VSTM2B: variants seen among roughly 807,000 people sequenced by gnomAD.
VSTM2B encodes V-set and transmembrane domain-containing protein 2B.
In VSTM2B, 24 loss-of-function variants were observed where a neutral mutation model predicts 24.0. The observed-to-expected ratio is 1.00, with a 90% CI of 0.72 to 1.40. The LOEUF is 1.40. Ranked by LOEUF, VSTM2B falls within the 40% of genes most tolerant of loss-of-function variation. VSTM2B has a pLI of 0.00. For missense variants in VSTM2B, 399 were observed against 416.4 expected (o/e 0.96, Z 0.36); for synonymous variants, 226 against 194.4 (o/e 1.16, Z -1.35).
At chr19:29,538,506 C>A (rs1218419938) in intron 4 of VSTM2B, among the ~76,000 whole-genome samples, 1 of 152,208 alleles carries the variant, frequency 6.6e-6, no homozygotes, top group Non-Finnish European at 1.5e-5. Flanking sequence ...CTCCCTCCTG[C>A]AAATGCTGTG....
Position 29,526,705 on chromosome 19 carries a change from G to T in VSTM2B, c.82+40G>T. 6.7e-7 allele frequency: 1 copy of T among 1,485,734 alleles called. No homozygotes were observed. Among genetic ancestry groups the T allele is most frequent in the Non-Finnish European group, 9.0e-7 (1 of 1,110,184 alleles). 92.0% of individuals were successfully genotyped at this position (1,485,734 alleles called of 1,614,324 possible). ...TTTGCTGCCGCTGTGGACTCGGGGG[G>T]GTCTTTGCTGGGGCCGCCACCGAGA... On this transcript the variant is annotated intron_variant, in intron 1 of 4. Coordinates refer to ENST00000335523, the MANE Select transcript of VSTM2B (RefSeq NM_001146339.2). This position sits in a 1 kb window ranked among gnomAD's most constrained non-coding sequence, Gnocchi z 4.1.
At chr19:29,552,087 C>G (rs1437869461) in intron 4 of VSTM2B, among the ~76,000 whole-genome samples, 1 of 152,190 alleles carries the variant, frequency 6.6e-6, no homozygotes, top group Non-Finnish European at 1.5e-5. Flanking sequence ...TTCTGTGGAT[C>G]TTGTGTCACA....
rs74891394 is a variant in VSTM2B at position 29,551,828 on chromosome 19, T to A, written c.770-12018T>A. On this transcript the variant is annotated intron_variant, in intron 4 of 4. Transcript: ENST00000335523. ...AAACCATTAGCATCCAGTCAATGCA[T>A]CAGCCTGCATGCCAGCCAGCCCGCT... Among the ~76,000 whole-genome samples, 35 of 152,240 alleles carry A rather than the reference T, an allele frequency of 2.3e-4. No individual in the cohort carries two copies. The East Asian group carries it at 6.6e-3, about 29-fold the overall frequency.
chr19:29,528,518 C>A lies in VSTM2B; in HGVS notation c.297+56C>A. The A allele has an allele frequency of 1.9e-6, 3 of 1,546,622 alleles. 1 individual carries two copies. The highest frequency in any genetic ancestry group is 2.6e-6 in the Non-Finnish European group (3 of 1,143,700). On this transcript the variant is annotated intron_variant, in intron 3 of 4. Transcript: ENST00000335523. Reference sequence around the variant, plus strand: ...AGACCCCTTCTGGCCGCCTCGGGTCCCGCAGCTCCCTCCCTTAGCAAGCCG... The same window carrying A: ...AGACCCCTTCTGGCCGCCTCGGGTCACGCAGCTCCCTCCCTTAGCAAGCCG...
At chr19:29,528,780 G>A (rs1460528867) in intron 3 of VSTM2B, among the ~76,000 whole-genome samples, 1 of 152,272 alleles carries the variant, frequency 6.6e-6, no homozygotes, top group Admixed American at 6.5e-5. Context: ...CGCTCTGCGG[G>A]CATTCCTCCT....
At chr19:29,556,898 G>T (rs1487060426) in intron 4 of VSTM2B, among the ~76,000 whole-genome samples, 1 of 152,220 alleles carries the variant, frequency 6.6e-6, no homozygotes, top group African/African-American at 2.4e-5. Context: ...CAAACAAATG[G>T]AAAAACATTC....
At chr19:29,559,160 C>T (rs976344924) in intron 4 of VSTM2B, among the ~76,000 whole-genome samples, 1 of 152,174 alleles carries the variant, frequency 6.6e-6, no homozygotes, top group Admixed American at 6.5e-5. Flanking sequence ...GACACATGCA[C>T]ACATATGTTT....
intron 4 of VSTM2B, 82 bp downstream of exon 4, chr19:29,530,372 A>AC: frequency 7.9e-7 from 1 of 1,270,146 alleles, no homozygotes; most frequent in Non-Finnish European, 1.0e-6. Context: ...GGGGCTCCGG[A>AC]CCCAGGACCC....
chr19:29,557,597 G>C (rs1300560136), intron 4 of VSTM2B, among the ~76,000 whole-genome samples: 1 of 151,998 alleles, frequency 6.6e-6, no homozygotes, highest in South Asian at 2.1e-4. Flanking sequence ...TACTCAGGGC[G>C]CTGAGGCAGG....
At chr19:29,550,683 G>T (rs1316024891) in intron 4 of VSTM2B, among the ~76,000 whole-genome samples, 2 of 152,202 alleles carry the variant, frequency 1.3e-5, no homozygotes, top group Non-Finnish European at 2.9e-5. Context: ...GACAAAGCAA[G>T]TGAAAGACAG....
In VSTM2B at chr19:29,529,826, G is replaced by A. The variant is rs773143728; in HGVS notation, c.305G>A (p.Arg102His). The A allele has an allele frequency of 9.7e-6, 15 of 1,549,466 alleles. No homozygotes were observed. Among genetic ancestry groups the A allele is most frequent in the Non-Finnish European group, 1.3e-5 (15 of 1,146,438 alleles). Residue 102 changes from arginine (R) to histidine (H), a missense_variant, in exon 4 of 5, where the codon CGC becomes CAC. Physicochemically the swap from Arg to His is conservative, Grantham distance 29 (BLOSUM62 0). Transcript: ENST00000335523. Reference sequence around the variant, plus strand: ...AACCCTGCTCTCTTGCAGACCGTACGCGTCCAGGGCAATGACATCTCACAC... The same window carrying A: ...AACCCTGCTCTCTTGCAGACCGTACACGTCCAGGGCAATGACATCTCACAC... ...NKDATKISTV[R>H]VQGNDISHRL...
At chr19:29,555,235 A>G (rs1428919151) in intron 4 of VSTM2B, among the ~76,000 whole-genome samples, 1 of 152,186 alleles carries the variant, frequency 6.6e-6, no homozygotes, top group African/African-American at 2.4e-5. Context: ...ATCAAATTAG[A>G]ACTCAAAATT....
chr19:29,541,741 G>A lies in VSTM2B; in HGVS notation c.769+11451G>A, dbSNP rs993348105. 1.3e-4 allele frequency among the ~76,000 whole-genome samples: 19 copies of A among 151,694 alleles called. 1 individual carries two copies. Among genetic ancestry groups the A allele is most frequent in the African/African-American group, 4.6e-4 (19 of 41,342 alleles). ...GGGTAGAAGGAAGGATGAGTGAATA[G>A]GTAGATGGGTGGATGGTGGGAGAAT... On this transcript the variant is annotated intron_variant, in intron 4 of 4. Coordinates refer to ENST00000335523, the MANE Select transcript of VSTM2B (RefSeq NM_001146339.2).
intron 4 of VSTM2B, among the ~76,000 whole-genome samples, chr19:29,552,756 T>A (rs1382259060): frequency 6.6e-6 from 1 of 152,194 alleles, no homozygotes; most frequent in East Asian, 1.9e-4. Flanking sequence ...GCAGTTCCAG[T>A]CTGCTGCTTT....
At chr19:29,542,002 G>A (rs1037583979) in intron 4 of VSTM2B, among the ~76,000 whole-genome samples, 2 of 150,876 alleles carry the variant, frequency 1.3e-5, no homozygotes, top group South Asian at 4.2e-4. Context: ...GAATGAATGG[G>A]TAGGTAGAAG....
Position 29,529,817 on chromosome 19 carries a change from A to C in VSTM2B, c.298-2A>C. On this transcript the variant is annotated splice_acceptor_variant, in intron 3 of 4. Coordinates refer to ENST00000335523, the MANE Select transcript of VSTM2B (RefSeq NM_001146339.2). LOFTEE classifies it high-confidence loss of function. ...CCGGCCTCTAACCCTGCTCTCTTGC[A>C]GACCGTACGCGTCCAGGGCAATGAC... 1 of 1,549,016 alleles carries C rather than the reference A, an allele frequency of 6.5e-7. No individual in the cohort carries two copies. The highest frequency in any genetic ancestry group is 8.7e-7 in the Non-Finnish European group (1 of 1,146,238).
At chr19:29,558,093 A>G (rs1236043175) in intron 4 of VSTM2B, among the ~76,000 whole-genome samples, 1 of 152,194 alleles carries the variant, frequency 6.6e-6, no homozygotes, top group Non-Finnish European at 1.5e-5. Flanking sequence ...ACATGTATAT[A>G]TATGTATATA....
chr19:29,533,928 C>G (rs1432104560), intron 4 of VSTM2B, among the ~76,000 whole-genome samples: 1 of 152,208 alleles, frequency 6.6e-6, no homozygotes, highest in Non-Finnish European at 1.5e-5. Context: ...CCTTGCCTCC[C>G]AGCCACTCAA....
chr19:29,543,734 T>A lies in VSTM2B; in HGVS notation c.769+13444T>A, dbSNP rs10416474. 2.1e-3 allele frequency among the ~76,000 whole-genome samples: 314 copies of A among 152,284 alleles called. 1 individual carries two copies. The highest frequency in any genetic ancestry group is 7.1e-3 in the African/African-American group (293 of 41,538). On this transcript the variant is annotated intron_variant, in intron 4 of 4. Coordinates refer to ENST00000335523, the MANE Select transcript of VSTM2B (RefSeq NM_001146339.2). ...CTCCAAGGTTGGGAAGATTGTAGCATGGAGGTGAGGTACCCCCAGACAACT... is the reference window on the plus strand; with the variant it reads ...CTCCAAGGTTGGGAAGATTGTAGCAAGGAGGTGAGGTACCCCCAGACAACT...
Sources: allele counts gnomAD v4.1 joint callset (sites outside exome capture counted in the v4.1 genomes callset), GRCh38; gene constraint gnomAD v4.1.1; non-coding constraint Gnocchi (gnomAD v3.1); transcripts MANE v1.5; gene names NCBI Gene and HGNC (gene_info 2026-07-23, HGNC 2026-07-21).